Variants in VWA3B observed in about 807,000 individuals in gnomAD.
VWA3B encodes von Willebrand factor A domain-containing protein 3B.
VWA3B carries 138 observed loss-of-function variants against 158.3 expected under a neutral mutation model. That is an observed-to-expected ratio of 0.87 (90% CI 0.76 to 1.00). The LOEUF (loss-of-function observed/expected upper bound fraction) is 1.00. Among genes scored for constraint, VWA3B ranks in the 50% least tolerant of loss-of-function variants. VWA3B has a pLI of 0.00. For synonymous variants in VWA3B, 596 were observed against 587.3 expected (o/e 1.01, Z -0.21); for missense variants, 1,555 against 1,565.1 (o/e 0.99, Z 0.11).
Position 98,125,341 on chromosome 2 carries a change from A to G in VWA3B, c.703-2898A>G, listed in dbSNP as rs914398322. On this transcript the variant is annotated intron_variant, in intron 5 of 27. Transcript: ENST00000477737. The surrounding 1 kb of genome is among the most constrained non-coding windows in gnomAD (Gnocchi z 4.1). ...TTTCAGAATTCTGGGGCTCACATTC[A>G]TCTCTAACAGGTGACCAGCCTTGCC... 6.6e-6 allele frequency among the ~76,000 whole-genome samples: 1 copy of G among 152,160 alleles called. No individual in the cohort carries two copies. Among genetic ancestry groups the G allele is most frequent in the Non-Finnish European group, 1.5e-5 (1 of 68,030 alleles).
intron 7 of VWA3B, among the ~76,000 whole-genome samples, chr2:98,147,327 A>G (rs950666612): frequency 6.6e-6 from 1 of 152,208 alleles, no homozygotes; most frequent in African/African-American, 2.4e-5. Flanking sequence ...TGCACTCTCC[A>G]GACATAATAT....
chr2:98,175,605 T>G (rs1312950505), intron 8 of VWA3B, among the ~76,000 whole-genome samples: 1 of 151,990 alleles, frequency 6.6e-6, no homozygotes, highest in Non-Finnish European at 1.5e-5. Context: ...TAACAACATG[T>G]GAACAATGGG....
At chr2:98,146,911 T>A (rs939850548) in intron 7 of VWA3B, among the ~76,000 whole-genome samples, 6 of 152,226 alleles carry the variant, frequency 3.9e-5, no homozygotes, top group African/African-American at 1.4e-4. Flanking sequence ...TGGAACCTGA[T>A]GTCTTCATCA....
At chr2:98,328,221 C>CA in the VWA3B span, among the ~76,000 whole-genome samples, 7 of 151,566 alleles carry the variant, frequency 4.6e-5, no homozygotes, top group Admixed American at 1.3e-4. Flanking sequence ...TAAATATCCA[C>CA]AAAAAAAATC....
At chr2:98,274,745 T>C (rs1013173490) in intron 22 of VWA3B, among the ~76,000 whole-genome samples, 1 of 152,210 alleles carries the variant, frequency 6.6e-6, no homozygotes, top group Admixed American at 6.5e-5. Flanking sequence ...AAGATTATTC[T>C]GACAGTGAGC....
chr2:98,288,411 T>C (rs1195234620), intron 22 of VWA3B, among the ~76,000 whole-genome samples: 1 of 152,192 alleles, frequency 6.6e-6, no homozygotes, highest in African/African-American at 2.4e-5. Flanking sequence ...AGGTTTATAC[T>C]GGTAATCTGG....
intron 21 of VWA3B, 119 bp downstream of exon 21, chr2:98,256,293 C>A (rs950247412): frequency 1.8e-5 from 21 of 1,151,076 alleles, no homozygotes; most frequent in Middle Eastern, 3.0e-4. Context: ...GTTCTGCAAA[C>A]CACTACCTTT....
At chr2:98,222,880 A>G (rs1007794121) in intron 14 of VWA3B, among the ~76,000 whole-genome samples, 1 of 152,232 alleles carries the variant, frequency 6.6e-6, no homozygotes, top group Non-Finnish European at 1.5e-5. Flanking sequence ...AAGATTTTAA[A>G]TAGGACCCAG....
intron 8 of VWA3B, among the ~76,000 whole-genome samples, chr2:98,176,366 A>G (rs1258746106): frequency 7.9e-6 from 1 of 127,258 alleles, no homozygotes; most frequent in Admixed American, 9.8e-5. Context: ...ATTTCAGGTC[A>G]CTCAGTCTAA....
At chr2:98,175,424 T>C (rs1464941314) in intron 8 of VWA3B, among the ~76,000 whole-genome samples, 2 of 152,122 alleles carry the variant, frequency 1.3e-5, no homozygotes, top group Non-Finnish European at 2.9e-5. Context: ...GAGTACAAAG[T>C]ATTGAAATGA....
At chr2:98,179,319 T>C (rs1174525928) in intron 8 of VWA3B, 1 of 471,194 alleles carries the variant, frequency 2.1e-6, no homozygotes, top group East Asian at 6.9e-5. Context: ...CCCGCTCAGG[T>C]AACATAACAC....
At chr2:98,318,858 T>C in the VWA3B span, among the ~76,000 whole-genome samples, 1 of 152,228 alleles carries the variant, frequency 6.6e-6, no homozygotes, top group Non-Finnish European at 1.5e-5. Context: ...TCTGCAATTG[T>C]CCCTCAGTAC....
At chr2:98,179,463 G>A in intron 8 of VWA3B, 1 of 404,554 alleles carries the variant, frequency 2.5e-6, no homozygotes, top group South Asian at 1.8e-5. Context: ...TAGGGCACAT[G>A]AGGTTTCTGA....
In VWA3B at chr2:98,186,730, A is replaced by G. The variant is rs371455020; in HGVS notation, c.1312-1245A>G. On this transcript the variant is annotated intron_variant, in intron 9 of 27. Coordinates refer to ENST00000477737, the MANE Select transcript of VWA3B (RefSeq NM_144992.5). ...TGGCTGCCCGGGGCCATGCAACTCC[A>G]TGACCTTCTGGCTCTTTGCTTCTGC... Among the ~76,000 whole-genome samples, 52 of 151,408 alleles carry G rather than the reference A, an allele frequency of 3.4e-4. No homozygotes were observed. The East Asian group carries it at 5.9e-3, about 17-fold the overall frequency.
chr2:98,089,404 G>A (rs1352601187), intron 1 of VWA3B, among the ~76,000 whole-genome samples: 1 of 152,016 alleles, frequency 6.6e-6, no homozygotes, highest in Admixed American at 6.6e-5. Flanking sequence ...GGGTTTCGGG[G>A]AGGCTTAATG....
At chr2:98,127,732 C>T (rs980674996) in intron 5 of VWA3B, among the ~76,000 whole-genome samples, 1 of 152,056 alleles carries the variant, frequency 6.6e-6, no homozygotes, top group African/African-American at 2.4e-5. Flanking sequence ...ACAGCCTCAC[C>T]CCAGCTCCGG....
chr2:98,265,416 G>T (rs1687749492), intron 21 of VWA3B, among the ~76,000 whole-genome samples: 1 of 151,774 alleles, frequency 6.6e-6, no homozygotes, highest in South Asian at 2.1e-4. Flanking sequence ...GTGTATATGT[G>T]CCACATTTTC....
In VWA3B at chr2:98,300,220, A is replaced by G; in HGVS notation, c.3420+4A>G. On this transcript the variant is annotated splice_donor_region_variant and intron_variant, in intron 25 of 27. Transcript: ENST00000477737. ...TTTGAAGTGTAACAACCGGAGAGTA[A>G]GTAGATTTTCATTTAGAAAAGGACT... The G allele has an allele frequency of 6.2e-7, 1 of 1,613,930 alleles. No individual in the cohort carries two copies. The highest frequency in any genetic ancestry group is 1.1e-5 in the South Asian group (1 of 90,938).
At chr2:98,248,563 C>T (rs2105790649) in intron 19 of VWA3B, among the ~76,000 whole-genome samples, 1 of 152,202 alleles carries the variant, frequency 6.6e-6, no homozygotes, top group East Asian at 1.9e-4. Context: ...CTAAGCAGGA[C>T]CTTCTTTCAG....
Sources: gnomAD v4.1 joint callset for allele counts (sites outside exome capture counted in the v4.1 genomes callset) on GRCh38, gnomAD v4.1.1 for gene constraint, Gnocchi (gnomAD v3.1) non-coding constraint, MANE v1.5 for transcripts, NCBI Gene and HGNC (gene_info 2026-07-23, HGNC 2026-07-21) for gene names.